The following NOP14 variants were observed in gnomAD, a reference collection of about 807,000 sequenced individuals.
The protein encoded by NOP14 is nucleolar protein 14.
A neutral mutation model predicts 101.6 loss-of-function variants in NOP14; 57 were observed. The ratio of observed to expected loss-of-function variants is 0.56; its 90% confidence interval spans 0.45 to 0.70. The LOEUF is 0.70. Ranked by LOEUF, NOP14 falls within the 30% of genes least tolerant of loss-of-function variation. The pLI is 0.00. For missense variants in NOP14, 1,134 were observed against 1,075.5 expected (o/e 1.05, Z -0.76); for synonymous variants, 428 against 424.0 (o/e 1.01, Z -0.12).
intron 13 of NOP14, among the ~76,000 whole-genome samples, chr4:2,943,335 CAG>C (rs1714363638): frequency 1.3e-5 from 2 of 152,218 alleles, no homozygotes; most frequent in South Asian, 4.1e-4. Flanking sequence ...AAATAGAGGA[CAG>C]GGGTCTGAGC....
intron 6 of NOP14, among the ~76,000 whole-genome samples, chr4:2,951,769 G>A (rs1237472617): frequency 1.3e-5 from 2 of 152,114 alleles, no homozygotes; most frequent in Non-Finnish European, 2.9e-5. Context: ...TTTGAGAACA[G>A]CCTAGGCAAC....
chr4:2,953,789 G>T (rs1715174863), intron 4 of NOP14, 144 bp from the exon 5 acceptor site: 1 of 879,916 alleles, frequency 1.1e-6, no homozygotes, highest in Non-Finnish European at 1.7e-6. Flanking sequence ...CAGGAGAAAT[G>T]AGTATTTTAA....
At chr4:2,953,803 C>T (rs1715175400) in intron 4 of NOP14, among the ~76,000 whole-genome samples, 158 bp from the exon 5 acceptor site, 1 of 152,156 alleles carries the variant, frequency 6.6e-6, no homozygotes, top group Admixed American at 6.5e-5. Context: ...ATTTTAAATG[C>T]AAAGCTACCA....
At chr4:2,947,078 C>G (rs767540106) in intron 10 of NOP14, 3 of 224,786 alleles carry the variant, frequency 1.3e-5, no homozygotes, top group African/African-American at 7.0e-5. Context: ...TAGAGGGCAA[C>G]GAGGGCAGGA....
intron 3 of NOP14, among the ~76,000 whole-genome samples, chr4:2,955,827 G>A (rs1715313141): frequency 6.6e-6 from 1 of 152,240 alleles, no homozygotes; most frequent in African/African-American, 2.4e-5. Context: ...GTGTGCCGCA[G>A]ATGGCGGGTT....
rs775352796 is a variant in NOP14 at position 2,950,076 on chromosome 4, C to T, written c.1140G>A (p.Leu380=). ...CACTCTCCACGTTGGATTCCAGGTCCAAGTGGCTATCTGGGCTGTCGCTCT... is the reference window on the plus strand; with the variant it reads ...CACTCTCCACGTTGGATTCCAGGTCTAAGTGGCTATCTGGGCTGTCGCTCT... ...TEESDSPDSH[L]DLESNVESEE... Residue 380 remains leucine, a synonymous_variant, in exon 8 of 18, where the codon TTG becomes TTA. Transcript: ENST00000416614. 74 of 1,614,012 alleles carry T rather than the reference C, an allele frequency of 4.6e-5. No individual in the cohort carries two copies. The Middle Eastern group carries it at 6.6e-4, about 14-fold the overall frequency.
intron 14 of NOP14, 125 bp downstream of exon 14, chr4:2,942,067 T>TC (rs1714243289): frequency 1.1e-6 from 1 of 930,734 alleles, no homozygotes; most frequent in Non-Finnish European, 1.6e-6. Flanking sequence ...GCTTTCGGCC[T>TC]CCATCAAACC....
Position 2,950,113 on chromosome 4 carries a change from T to C in NOP14, c.1103A>G (p.Glu368Gly), listed in dbSNP as rs201094962. 155 of 1,614,082 alleles carry C rather than the reference T, an allele frequency of 9.6e-5. No homozygotes were observed. The East Asian group carries it at 3.4e-3, about 36-fold the overall frequency. Reference sequence around the variant, plus strand: ...TGGGCTGTCGCTCTCCTCTGTGTCCTCCCCGCCTGAACTGTCACCTTCTTC... The same window carrying C: ...TGGGCTGTCGCTCTCCTCTGTGTCCCCCCCGCCTGAACTGTCACCTTCTTC... ...NEEEGDSSGG[E>G]DTEESDSPDS... Residue 368 changes from glutamate to glycine, a missense_variant, in exon 8 of 18, where the codon GAG (glutamate) becomes GGG (glycine). By Grantham distance (98) the Glu-to-Gly change is moderately conservative. Coordinates refer to ENST00000416614, the MANE Select transcript of NOP14 (RefSeq NM_001291978.2).
In NOP14 at chr4:2,953,612, C is replaced by G. The variant is rs181827042; in HGVS notation, c.646G>C (p.Glu216Gln). The change falls in exon 5 of 18, where the codon GAG becomes CAG. Residue 216 changes from glutamate (E) to glutamine (Q), a missense_variant. Transcript: ENST00000416614. Reference sequence around the variant, plus strand: ...TCTTGGTCTAGCTTCTCCGTGAGCTCGAGGGCATCTTCTCGTTGAGCTTGT... The same window carrying G: ...TCTTGGTCTAGCTTCTCCGTGAGCTGGAGGGCATCTTCTCGTTGAGCTTGT... Reference protein sequence around the residue: ...ERQAQREDALELTEKLDQDWK... With the variant: ...ERQAQREDALQLTEKLDQDWK... 2 of 1,613,996 alleles carry G rather than the reference C, an allele frequency of 1.2e-6. No homozygotes were observed. The highest frequency in any genetic ancestry group is 1.3e-5 in the African/African-American group (1 of 74,886).
intron 15 of NOP14, 64 bp downstream of exon 15, chr4:2,941,518 T>C (rs573524450): frequency 2.7e-6 from 4 of 1,505,894 alleles, no homozygotes; most frequent in Admixed American, 2.1e-5. Flanking sequence ...TGCCACCAGC[T>C]TGGCCCCAGC....
intron 11 of NOP14, 86 bp downstream of exon 11, chr4:2,946,326 A>G: frequency 6.7e-7 from 1 of 1,496,462 alleles, no homozygotes; most frequent in Non-Finnish European, 9.2e-7. Context: ...GGGTACAGCC[A>G]AGAGCATCGT....
chr4:2,939,939 G>A (rs570820215), intron 15 of NOP14, among the ~76,000 whole-genome samples: 2 of 152,318 alleles, frequency 1.3e-5, no homozygotes, highest in African/African-American at 2.4e-5. Context: ...GGAGTTGGAG[G>A]TCACCATAGC....
Position 2,938,660 on chromosome 4 carries a change from C to T in NOP14, c.*171G>A, listed in dbSNP as rs1421652213. The T allele has an allele frequency of 4.3e-5, 26 of 599,774 alleles. No homozygotes were observed. Among genetic ancestry groups the T allele is most frequent in the Admixed American group, 9.0e-5 (3 of 33,350 alleles). 37.2% of individuals were successfully genotyped at this position (599,774 alleles called of 1,614,324 possible). On this transcript the variant is annotated 3_prime_UTR_variant, in exon 18 of 18. Coordinates refer to ENST00000416614, the MANE Select transcript of NOP14 (RefSeq NM_001291978.2). ...AGTTGGGACTACAGGTGCGTGCCAC[C>T]ACACTTGGCTAATTTTTATGTTTTT...
intron 2 of NOP14, 143 bp downstream of exon 2, chr4:2,957,463 G>T (rs1444717550): frequency 4.2e-6 from 4 of 954,630 alleles, no homozygotes; most frequent in Non-Finnish European, 6.4e-6. Flanking sequence ...GGCCTAGCCA[G>T]ATAAGGCACA....
At position 2,938,756 on chromosome 4, in the gene NOP14, C is replaced by T; in HGVS notation, c.*75G>A. ...CTCCTGGGCTGAAGCAATCTTCCTG[C>T]CTTGGCCTCCCAGAGGGTTGGAATT... On this transcript the variant is annotated 3_prime_UTR_variant, in exon 18 of 18. Coordinates refer to ENST00000416614, the MANE Select transcript of NOP14 (RefSeq NM_001291978.2). 2 of 1,237,860 alleles carry T rather than the reference C, an allele frequency of 1.6e-6. No individual in the cohort carries two copies. The highest frequency in any genetic ancestry group is 2.3e-6 in the Non-Finnish European group (2 of 854,866). 76.7% of individuals were successfully genotyped at this position (1,237,860 alleles called of 1,614,324 possible).
chr4:2,947,254 GC>G, intron 10 of NOP14: 1 of 500,000 alleles, frequency 2.0e-6, no homozygotes, highest in Non-Finnish European at 3.5e-6. Flanking sequence ...CCCCATCCCA[GC>G]CACAAATCTA....
At chr4:2,955,779 T>A (rs1715308980) in intron 3 of NOP14, among the ~76,000 whole-genome samples, 1 of 152,234 alleles carries the variant, frequency 6.6e-6, no homozygotes, top group African/African-American at 2.4e-5. Context: ...GGCCATTCTC[T>A]TCACGCCCGT....
At chr4:2,942,523 G>T (rs981070915) in intron 13 of NOP14, among the ~76,000 whole-genome samples, 172 bp from the exon 14 acceptor site, 2 of 152,232 alleles carry the variant, frequency 1.3e-5, no homozygotes, top group African/African-American at 4.8e-5. Flanking sequence ...ACACCTCAGG[G>T]GAGGGGAAAA....
In NOP14 at chr4:2,938,378, G is replaced by A. The variant is rs911950795; in HGVS notation, c.*453C>T. The A allele has an allele frequency of 1.7e-5, 7 of 411,056 alleles. No individual in the cohort carries two copies. The highest frequency in any genetic ancestry group is 3.3e-5 in the Non-Finnish European group (7 of 215,050). The allele number at this position is 411,056 out of a possible 1,614,324, so 25.5% of individuals were successfully genotyped here. A position where few individuals can be genotyped will look rare whatever the true frequency, so the allele number is the denominator to read the frequency against. On this transcript the variant is annotated 3_prime_UTR_variant, in exon 18 of 18. Coordinates refer to ENST00000416614, the MANE Select transcript of NOP14 (RefSeq NM_001291978.2). ...TCTACTAAAAATACAAAATTAGCTG[G>A]GCGTGGTGGCACATGTCTGTAATCC...
Sources: gnomAD v4.1 joint callset for allele counts (sites outside exome capture counted in the v4.1 genomes callset) on GRCh38, gnomAD v4.1.1 for gene constraint, MANE v1.5 for transcripts, NCBI Gene and HGNC (gene_info 2026-07-23, HGNC 2026-07-21) for gene names.